MAGI2: variants seen among roughly 807,000 people sequenced by gnomAD.
MAGI2 encodes membrane associated guanylate kinase, WW and PDZ domain containing 2, also known as membrane-associated guanylate kinase, WW and PDZ domain-containing protein 2.
Under a neutral mutation model 133.3 loss-of-function variants are expected in MAGI2, and 35 were observed. The observed-to-expected ratio is 0.26, with a 90% CI of 0.20 to 0.35. The LOEUF (loss-of-function observed/expected upper bound fraction) is 0.35, where lower values mean the gene tolerates loss of function less well. Among genes scored for constraint, MAGI2 ranks in the 10% least tolerant of loss-of-function variants. The pLI is 1.00. For missense variants in MAGI2, 1,636 were observed against 1,863.4 expected (o/e 0.88, Z 2.25); for synonymous variants, 729 against 710.6 (o/e 1.03, Z -0.41).
At chr7:78,784,934 C>T (rs1316814654) in intron 2 of MAGI2, among the ~76,000 whole-genome samples, 2 of 151,778 alleles carry the variant, frequency 1.3e-5, no homozygotes, top group African/African-American at 4.9e-5. Flanking sequence ...AATGCAATAG[C>T]TTAGAACTAT....
chr7:79,012,187 A>G (rs1253117264), intron 1 of MAGI2: 2 of 152,074 alleles, frequency 1.3e-5, no homozygotes, highest in Non-Finnish European at 2.9e-5. Flanking sequence ...CCTCTTGGAC[A>G]TGCAGAATTA....
At chr7:78,768,838 C>T (rs1395315202) in intron 2 of MAGI2, among the ~76,000 whole-genome samples, 2 of 152,144 alleles carry the variant, frequency 1.3e-5, no homozygotes, top group Admixed American at 6.5e-5. Context: ...GATAGTGCCT[C>T]AACACTGTAC....
chr7:79,111,554 A>G (rs909929171), intron 1 of MAGI2, among the ~76,000 whole-genome samples: 1 of 152,206 alleles, frequency 6.6e-6, no homozygotes, highest in Non-Finnish European at 1.5e-5. Flanking sequence ...TAGGTATGTT[A>G]TTTGTAATAC....
At chr7:79,411,474 G>C (rs1053924289) in intron 1 of MAGI2, 16 of 152,120 alleles carry the variant, frequency 1.1e-4, no homozygotes, top group Non-Finnish European at 2.2e-4. Flanking sequence ...TGGTGGAAGG[G>C]GGCATGAGCC....
intron 2 of MAGI2, chr7:79,000,283 G>A (rs1806729284): frequency 6.6e-6 from 1 of 152,086 alleles, no homozygotes; most frequent in African/African-American, 2.4e-5. Context: ...CTAATCCACA[G>A]GTTGATGTCA....
chr7:78,088,016 G>A (rs1816811442), intron 20 of MAGI2, among the ~76,000 whole-genome samples: 1 of 152,192 alleles, frequency 6.6e-6, no homozygotes, highest in African/African-American at 2.4e-5. Context: ...AGCTTATCCA[G>A]TTCTCAGAAA....
chr7:78,308,413 G>A (rs952200427), intron 9 of MAGI2, among the ~76,000 whole-genome samples: 3 of 152,162 alleles, frequency 2.0e-5, no homozygotes, highest in African/African-American at 7.2e-5. Flanking sequence ...TCTGCATACT[G>A]AAGTGTTTGG....
At chr7:78,232,613 T>C (rs1367020691) in intron 10 of MAGI2, among the ~76,000 whole-genome samples, 1 of 152,182 alleles carries the variant, frequency 6.6e-6, no homozygotes, top group Non-Finnish European at 1.5e-5. Flanking sequence ...ACAATGTGTC[T>C]TTCTGGGATT....
At chr7:79,086,805 C>T (rs995559277) in intron 1 of MAGI2, among the ~76,000 whole-genome samples, 9 of 151,690 alleles carry the variant, frequency 5.9e-5, no homozygotes, top group African/African-American at 2.2e-4. Flanking sequence ...TAAGAGTATG[C>T]ATTTTTAAGT....
chr7:78,346,526 A>G (rs991365005), intron 7 of MAGI2, among the ~76,000 whole-genome samples: 9 of 152,176 alleles, frequency 5.9e-5, no homozygotes, highest in Non-Finnish European at 1.3e-4. Context: ...GGATTGAGAG[A>G]CTGGGATCCA....
At chr7:79,267,069 A>C (rs989430787) in intron 1 of MAGI2, among the ~76,000 whole-genome samples, 7 of 152,076 alleles carry the variant, frequency 4.6e-5, no homozygotes, top group Non-Finnish European at 7.4e-5. Flanking sequence ...TATGGACCAG[A>C]CCAACCTAAC....
intron 4 of MAGI2, among the ~76,000 whole-genome samples, chr7:78,520,066 C>A (rs1378950062): frequency 6.6e-6 from 1 of 152,132 alleles, no homozygotes; most frequent in Non-Finnish European, 1.5e-5. Flanking sequence ...TCATAGGAGA[C>A]AAGTTACATT....
intron 3 of MAGI2, among the ~76,000 whole-genome samples, chr7:78,593,644 C>T (rs976201227): frequency 6.6e-6 from 1 of 152,154 alleles, no homozygotes; most frequent in African/African-American, 2.4e-5. Context: ...ATGACTAACT[C>T]TTATTTGTCT....
chr7:79,176,661 T>C (rs1009460051), intron 1 of MAGI2, among the ~76,000 whole-genome samples: 4 of 152,042 alleles, frequency 2.6e-5, no homozygotes, highest in Non-Finnish European at 4.4e-5. Flanking sequence ...TAGATCATTA[T>C]AGAATTTGCC....
At chr7:78,827,604 A>G (rs1340891153) in intron 2 of MAGI2, among the ~76,000 whole-genome samples, 1 of 152,302 alleles carries the variant, frequency 6.6e-6, no homozygotes, top group Admixed American at 6.5e-5. Context: ...GTTTAATTCT[A>G]GAACTCTAGA....
intron 10 of MAGI2, among the ~76,000 whole-genome samples, chr7:78,241,004 A>G (rs535947696): frequency 5.3e-5 from 8 of 152,034 alleles, no homozygotes; most frequent in African/African-American, 1.7e-4. Context: ...CTTCATTCTC[A>G]TCCCTAGTAT....
In MAGI2 at chr7:78,577,154, T is replaced by G. The variant is rs987453485; in HGVS notation, c.538+49966A>C. Among the ~76,000 whole-genome samples, 8 of 152,322 alleles carry G rather than the reference T, an allele frequency of 5.3e-5. 1 individual carries two copies. Among genetic ancestry groups the G allele is most frequent in the Non-Finnish European group, 5.9e-5 (4 of 68,034 alleles). Reference sequence around the variant, plus strand: ...TGTAATTTATTTGCATTATTTTATTTCACTAATTTGGAAATAATAAATATA... The same window carrying G: ...TGTAATTTATTTGCATTATTTTATTGCACTAATTTGGAAATAATAAATATA... On this transcript the variant is annotated intron_variant, in intron 3 of 21. Coordinates refer to ENST00000354212, the MANE Select transcript of MAGI2 (RefSeq NM_012301.4).
chr7:79,353,512 G>A, intron 1 of MAGI2: 1 of 455,376 alleles, frequency 2.2e-6, no homozygotes, highest in Non-Finnish European at 4.4e-6. Context: ...CTGCTGCTTT[G>A]GAATCATCTC....
chr7:78,442,043 G>C (rs574248894), intron 6 of MAGI2, among the ~76,000 whole-genome samples: 63 of 152,122 alleles, frequency 4.1e-4, no homozygotes, highest in Non-Finnish European at 6.3e-4. Context: ...AAAATAAAAG[G>C]GATCCTCCTT....
Sources: gnomAD v4.1 joint callset for allele counts (sites outside exome capture counted in the v4.1 genomes callset) on GRCh38, gnomAD v4.1.1 for gene constraint, MANE v1.5 for transcripts, NCBI Gene and HGNC (gene_info 2026-07-23, HGNC 2026-07-21) for gene names.